The following UTRN variants were observed in gnomAD, a reference collection of about 807,000 sequenced individuals.
UTRN encodes the protein dystrophin-related protein 1.
Under a neutral mutation model 463.9 loss-of-function variants are expected in UTRN, and 283 were observed. That is an observed-to-expected ratio of 0.61 (90% confidence interval 0.55 to 0.67). The LOEUF is 0.67. Among genes scored for constraint, UTRN ranks in the 30% least tolerant of loss-of-function variants. The probability of loss-of-function intolerance (pLI) is 0.00; values close to 1 mark genes in which losing one functional copy is unlikely to be tolerated. For missense variants in UTRN, 3,922 were observed against 4,084.3 expected, an observed-to-expected ratio of 0.96 and a Z score of 1.08; for synonymous variants, 1,442 against 1,431.5, an observed-to-expected ratio of 1.01 and a Z score of -0.17.
At chr6:144,507,863 C>T (rs984304386) in intron 34 of UTRN, among the ~76,000 whole-genome samples, 9 of 152,328 alleles carry the variant, frequency 5.9e-5, no homozygotes, top group African/African-American at 2.2e-4. Context: ...GCTTTGCTCA[C>T]AGCTGCCCTT....
At chr6:144,824,614 C>CTCTCTT (rs1315487327) in intron 66 of UTRN, among the ~76,000 whole-genome samples, 14 of 30,878 alleles carry the variant, frequency 4.5e-4, no homozygotes, top group African/African-American at 1.5e-3. Context: ...ATATATATAT[C>CTCTCTT]TTTTTTTTTT....
intron 2 of UTRN, among the ~76,000 whole-genome samples, chr6:144,330,119 C>T (rs1776236371): frequency 6.6e-6 from 1 of 152,194 alleles, no homozygotes; most frequent in African/African-American, 2.4e-5. Context: ...CAGGGAAGGC[C>T]TTCTTGAGGA....
At chr6:144,422,778 A>G (rs1784946186) in intron 4 of UTRN, among the ~76,000 whole-genome samples, 1 of 152,220 alleles carries the variant, frequency 6.6e-6, no homozygotes, top group Non-Finnish European at 1.5e-5. Flanking sequence ...GGATGCATGT[A>G]TGGGTACAAA....
chr6:144,757,965 A>G lies in UTRN; in HGVS notation c.8471A>G (p.His2824Arg), dbSNP rs760918014. The G allele has an allele frequency of 1.9e-6, 3 of 1,611,218 alleles. No homozygotes were observed. Among genetic ancestry groups the G allele is most frequent in the East Asian group, 2.2e-5 (1 of 44,792 alleles). The change falls in exon 58 of 75, where the codon CAT (histidine) becomes CGT (arginine). Residue 2824 changes from histidine to arginine, a missense_variant. His to Arg is a conservative substitution (Grantham distance 29). This residue lies in a region of UTRN where 1,309 missense variants were observed against 1,452.6 expected (regional missense o/e 0.90). Transcript: ENST00000367545. ...VQLPWQRSIS[H>R]NKVPYYINHQ... is the part of the protein sequence containing the mutation. Reference sequence around the variant, plus strand: ...CTGCCGTGGCAAAGATCCATTTCACATAATAAAGTGCCCTATTACATCAAG... The same window carrying G: ...CTGCCGTGGCAAAGATCCATTTCACGTAATAAAGTGCCCTATTACATCAAG...
chr6:144,318,031 T>C (rs1775393717), intron 2 of UTRN, among the ~76,000 whole-genome samples: 1 of 152,220 alleles, frequency 6.6e-6, no homozygotes, highest in Non-Finnish European at 1.5e-5. Flanking sequence ...TTTTTGAGTT[T>C]CATTTTCGGC....
intron 50 of UTRN, among the ~76,000 whole-genome samples, chr6:144,560,910 A>G (rs955670712): frequency 5.3e-5 from 8 of 152,018 alleles, no homozygotes; most frequent in African/African-American, 1.9e-4. Context: ...TTAGTTTTCT[A>G]ATGTTCAAAA....
chr6:144,753,903 T>TA (rs1234503488), intron 56 of UTRN, among the ~76,000 whole-genome samples: 3 of 151,608 alleles, frequency 2.0e-5, no homozygotes, highest in South Asian at 2.1e-4. Flanking sequence ...AAATGTATAT[T>TA]AAAAAAAATA....
chr6:144,401,531 G>A (rs529784752), intron 2 of UTRN, among the ~76,000 whole-genome samples: 3 of 152,274 alleles, frequency 2.0e-5, no homozygotes, highest in East Asian at 1.9e-4. Context: ...TGTCTTTGCT[G>A]TCCTTTCTTG....
At chr6:144,772,345 TAGG>T (rs1187777572) in intron 59 of UTRN, among the ~76,000 whole-genome samples, 1 of 152,114 alleles carries the variant, frequency 6.6e-6, no homozygotes, top group African/African-American at 2.4e-5. Context: ...TATTGTTAAA[TAGG>T]AGCTAATCAC....
Position 144,423,594 on chromosome 6 carries a change from A to T in UTRN, c.280A>T (p.Asn94Tyr). The stretch of plus-strand genomic sequence containing the variant: ...AAGGGTACATGCCTTAAATAACGTC[A>T]ACAGAGTGCTGCAGGTTTTACATCA... ...STRVHALNNV[N>Y]RVLQVLHQNN... The change falls in exon 5 of 75, where the codon AAC becomes TAC. Residue 94 changes from asparagine (N) to tyrosine (Y), a missense_variant. Coordinates refer to ENST00000367545, the MANE Select transcript of UTRN (RefSeq NM_007124.3). The T allele has an allele frequency of 6.2e-7, 1 of 1,614,224 alleles. No individual in the cohort carries two copies. Among genetic ancestry groups the T allele is most frequent in the East Asian group, 2.2e-5 (1 of 44,882 alleles).
At chr6:144,766,761 A>G (rs1343053188) in intron 58 of UTRN, among the ~76,000 whole-genome samples, 1 of 151,648 alleles carries the variant, frequency 6.6e-6, no homozygotes, top group Non-Finnish European at 1.5e-5. Flanking sequence ...GGTGATAACT[A>G]GCAGAAAATG....
intron 51 of UTRN, among the ~76,000 whole-genome samples, chr6:144,624,669 A>C (rs1775768000): frequency 6.6e-6 from 1 of 152,124 alleles, no homozygotes; most frequent in Non-Finnish European, 1.5e-5. Context: ...GAAGGAGATG[A>C]GGAGTTTTCG....
At chr6:144,544,259 C>T (rs1798214816) in intron 46 of UTRN, among the ~76,000 whole-genome samples, 1 of 152,132 alleles carries the variant, frequency 6.6e-6, no homozygotes, top group Non-Finnish European at 1.5e-5. Context: ...TTCTTTTTAA[C>T]ATTTTATTTA....
intron 51 of UTRN, among the ~76,000 whole-genome samples, chr6:144,626,471 T>C (rs9376830): frequency 0.29 from 43,721 of 152,108 alleles, 7,930 homozygotes; most frequent in African/African-American, 0.51. Flanking sequence ...CCTTTCTGCA[T>C]TTCTCCAATT....
rs1206134772 is a variant in UTRN at position 144,286,223 on chromosome 6, G to A, written c.-93+402G>A. 6.6e-6 allele frequency among the ~76,000 whole-genome samples: 1 copy of A among 151,650 alleles called. No homozygotes were observed. The highest frequency in any genetic ancestry group is 2.4e-5 in the African/African-American group (1 of 40,876). On this transcript the variant is annotated intron_variant, in intron 1 of 74. Transcript: ENST00000367545. This position sits in a 1 kb window ranked among gnomAD's most constrained non-coding sequence, Gnocchi z 4.4. ...AGGGCGCTGGGCCAGTGATTTGCAA[G>A]AGGGGACGTGGCCTCTTAGGAGAGT...
intron 52 of UTRN, among the ~76,000 whole-genome samples, chr6:144,693,490 C>A (rs1182028317): frequency 6.6e-6 from 1 of 152,178 alleles, no homozygotes; most frequent in East Asian, 1.9e-4. Flanking sequence ...GCAGTATGGT[C>A]ATTTTAATGA....
chr6:144,402,694 C>T (rs970326470), intron 2 of UTRN, among the ~76,000 whole-genome samples: 1 of 152,060 alleles, frequency 6.6e-6, no homozygotes, highest in South Asian at 2.1e-4. Flanking sequence ...GAGGAAGTCA[C>T]GAATTCCTGA....
chr6:144,534,297 G>T (rs575173039), intron 43 of UTRN, among the ~76,000 whole-genome samples: 43 of 152,256 alleles, frequency 2.8e-4, no homozygotes, highest in African/African-American at 9.6e-4. Flanking sequence ...CACCTCTTAG[G>T]GGACTGTTAA....
intron 46 of UTRN, among the ~76,000 whole-genome samples, chr6:144,547,009 T>C (rs1259521695): frequency 6.6e-6 from 1 of 152,256 alleles, no homozygotes; most frequent in African/African-American, 2.4e-5. Flanking sequence ...AAACACACTG[T>C]ACACGTGGGA....
Sources: allele counts gnomAD v4.1 joint callset (sites outside exome capture counted in the v4.1 genomes callset), GRCh38; gene constraint gnomAD v4.1.1; regional missense constraint gnomAD v4.1.1; non-coding constraint Gnocchi (gnomAD v3.1); transcripts MANE v1.5; gene names NCBI Gene and HGNC (gene_info 2026-07-23, HGNC 2026-07-21).